The following TUT4 variants were observed in gnomAD, a reference collection of about 807,000 sequenced individuals.
TUT4 encodes terminal uridylyl transferase 4, also known as terminal uridylyltransferase 4.
Under a neutral mutation model 192.2 loss-of-function variants are expected in TUT4, and 36 were observed. The ratio of observed to expected loss-of-function variants is 0.19; its 90% CI spans 0.14 to 0.25. TUT4 has a LOEUF of 0.25. TUT4 is among the 10% of genes least tolerant of loss of function. The probability of loss-of-function intolerance (pLI) is 1.00; values close to 1 mark genes in which losing one functional copy is unlikely to be tolerated. For synonymous variants in TUT4, 618 were observed against 666.0 expected, an observed-to-expected ratio of 0.93 and a Z score of 1.11; for missense variants, 1,493 against 1,957.2, an observed-to-expected ratio of 0.76 and a Z score of 4.47.
Position 52,505,989 on chromosome 1 carries a change from T to C in TUT4, c.999+3607A>G, listed in dbSNP as rs866808334. On this transcript the variant is annotated intron_variant, in intron 4 of 29. Transcript: ENST00000257177. ...ATGAGCCACGATGCCCAGCTAATTT[T>C]TGTATTTTTAGTAGAGACGGGGTTC... 3.3e-5 allele frequency among the ~76,000 whole-genome samples: 5 copies of C among 151,718 alleles called. No homozygotes were observed. The South Asian group carries it at 1.0e-3, about 32-fold the overall frequency.
chr1:52,512,571 A>G (rs1285313383), intron 3 of TUT4, among the ~76,000 whole-genome samples: 1 of 152,224 alleles, frequency 6.6e-6, no homozygotes, highest in Non-Finnish European at 1.5e-5. Flanking sequence ...ACAACATCAA[A>G]TCAGACAAAA....
At chr1:52,459,958 TGAAA>T (rs767138832) in intron 19 of TUT4, among the ~76,000 whole-genome samples, 2 of 152,090 alleles carry the variant, frequency 1.3e-5, no homozygotes, top group African/African-American at 2.4e-5. Context: ...GAATGAAACC[TGAAA>T]GAATCTTCAG....
At chr1:52,520,873 A>T (rs1026596259) in intron 2 of TUT4, among the ~76,000 whole-genome samples, 1 of 151,814 alleles carries the variant, frequency 6.6e-6, no homozygotes, top group Admixed American at 6.6e-5. Context: ...GCTCACTGCA[A>T]CCTCCGCCTC....
intron 1 of TUT4, among the ~76,000 whole-genome samples, chr1:52,545,966 CAAAAAAAAAAAAA>C: frequency 2.8e-5 from 2 of 72,372 alleles, no homozygotes; most frequent in Middle Eastern, 0.018. Flanking sequence ...TACAAAAATA[CAAAAAAAAAAAAA>C]AAAAAAAAAA....
At chr1:52,433,910 G>A (rs1652914545) in intron 27 of TUT4, 1 of 152,142 alleles carries the variant, frequency 6.6e-6, no homozygotes, top group African/African-American at 2.4e-5. Flanking sequence ...GATAGGAATG[G>A]GATCAAAGAA....
At chr1:52,515,745 A>T (rs1448889264) in intron 3 of TUT4, 146 bp downstream of exon 3, 2 of 875,488 alleles carry the variant, frequency 2.3e-6, no homozygotes, top group East Asian at 5.2e-5. Flanking sequence ...GAGGGAAAGA[A>T]GAAGAAAGGT....
At chr1:52,432,173 C>G (rs1449379354) in intron 27 of TUT4, 3 of 152,092 alleles carry the variant, frequency 2.0e-5, no homozygotes, top group African/African-American at 7.2e-5. Flanking sequence ...GGGTCAACTA[C>G]ATAATGAAAT....
intron 20 of TUT4, among the ~76,000 whole-genome samples, chr1:52,456,971 T>C (rs72903631): frequency 0.088 from 13,382 of 152,126 alleles, 1,948 homozygotes; most frequent in African/African-American, 0.3. Context: ...AGGAGGTATG[T>C]TGGAAACTCT....
At chr1:52,456,326 C>T (rs1040063757) in intron 20 of TUT4, among the ~76,000 whole-genome samples, 12 of 146,514 alleles carry the variant, frequency 8.2e-5, no homozygotes, top group Admixed American at 1.4e-4. Flanking sequence ...TTGCTTTAAT[C>T]GCTTGAACCC....
chr1:52,502,609 CTTTTTTTTT>C (rs919559320), intron 4 of TUT4, among the ~76,000 whole-genome samples: 4 of 82,130 alleles, frequency 4.9e-5, no homozygotes, highest in East Asian at 4.0e-4. Context: ...TCTTAGCCCT[CTTTTTTTTT>C]TTTTTTTTTT....
At chr1:52,447,522 TAA>T (rs1657917109) in intron 20 of TUT4, among the ~76,000 whole-genome samples, 1 of 150,530 alleles carries the variant, frequency 6.6e-6, no homozygotes, top group African/African-American at 2.4e-5. Flanking sequence ...TACATTTTGA[TAA>T]AGACTATAAA....
chr1:52,475,693 A>G (rs1666901291), intron 12 of TUT4, among the ~76,000 whole-genome samples, 158 bp from the exon 13 acceptor site: 1 of 152,194 alleles, frequency 6.6e-6, no homozygotes, highest in African/African-American at 2.4e-5. Flanking sequence ...TGAAAATGGG[A>G]GGAAATACAA....
At chr1:52,442,215 G>GT (rs1348217186) in intron 24 of TUT4, among the ~76,000 whole-genome samples, 1 of 125,650 alleles carries the variant, frequency 8.0e-6, no homozygotes, top group East Asian at 2.0e-4. Context: ...CAGACAAAAT[G>GT]TAAGTTAAAT....
chr1:52,481,513 T>C lies in TUT4; in HGVS notation c.1758A>G (p.Glu586=). ...SATEKNSIAE[E]NKAKADQPKD... ...TTGGTTGGTCTGCCTTAGCTTTGTT[T>C]TCCTCAGCAATTGAGTTTTTCTCAG... Residue 586 remains glutamate, a synonymous_variant, in exon 11 of 30, where the codon GAA becomes GAG. Transcript: ENST00000257177. 1 of 1,614,054 alleles carries C rather than the reference T, an allele frequency of 6.2e-7. No homozygotes were observed. Among genetic ancestry groups the C allele is most frequent in the Non-Finnish European group, 8.5e-7 (1 of 1,179,990 alleles).
intron 9 of TUT4, among the ~76,000 whole-genome samples, chr1:52,485,163 A>G (rs756675544): frequency 1.3e-5 from 2 of 152,154 alleles, no homozygotes; most frequent in Non-Finnish European, 2.9e-5. Context: ...TTCATCTTTC[A>G]ATAATATAAT....
chr1:52,466,678 A>ATTTTTT (rs1215504188), intron 15 of TUT4, among the ~76,000 whole-genome samples: 28 of 136,246 alleles, frequency 2.1e-4, no homozygotes, highest in African/African-American at 8.0e-4. Flanking sequence ...ATATATATAT[A>ATTTTTT]TATATTTTTG....
At chr1:52,436,410 C>CG (rs201329887) in intron 26 of TUT4, among the ~76,000 whole-genome samples, 6,171 of 152,052 alleles carry the variant, frequency 0.041, 422 homozygotes, top group African/African-American at 0.14. Flanking sequence ...CGCTTGAACC[C>CG]GGGAGGCAGA....
intron 2 of TUT4, among the ~76,000 whole-genome samples, chr1:52,523,091 C>T (rs1362670154): frequency 1.5e-5 from 2 of 131,550 alleles, no homozygotes; most frequent in East Asian, 5.2e-4. Flanking sequence ...CTCCTTGGTT[C>T]AGGCAATTCT....
At chr1:52,437,135 T>C (rs1654034154) in intron 25 of TUT4, 157 bp from the exon 26 acceptor site, 6 of 1,001,488 alleles carry the variant, frequency 6.0e-6, no homozygotes, top group East Asian at 2.7e-5. Context: ...ACCTGCTCAT[T>C]TGGCAGGAAC....
Sources: gnomAD v4.1 joint callset for allele counts (sites outside exome capture counted in the v4.1 genomes callset) on GRCh38, gnomAD v4.1.1 for gene constraint, MANE v1.5 for transcripts, NCBI Gene and HGNC (gene_info 2026-07-23, HGNC 2026-07-21) for gene names.